The following PDZRN3 variants were observed in gnomAD, a reference collection of about 807,000 sequenced individuals.
The protein encoded by PDZRN3 is PDZ domain containing ring finger 3.
A neutral mutation model predicts 85.7 loss-of-function variants in PDZRN3; 38 were observed. That is an observed-to-expected ratio of 0.44 (90% confidence interval 0.34 to 0.58). The LOEUF is 0.58. Ranked by LOEUF, PDZRN3 falls within the 20% of genes least tolerant of loss-of-function variation. The pLI is 0.01. For missense variants in PDZRN3, 1,629 were observed against 1,506.4 expected (o/e 1.08, Z -1.35); for synonymous variants, 759 against 638.0 (o/e 1.19, Z -2.86).
intron 3 of PDZRN3, among the ~76,000 whole-genome samples, chr3:73,481,916 C>T (rs911542841): frequency 6.6e-6 from 1 of 152,204 alleles, no homozygotes; most frequent in East Asian, 1.9e-4. Context: ...CTTCGCACCC[C>T]CACACAAAGC....
At chr3:73,605,391 G>A (rs969169425) in intron 2 of PDZRN3, among the ~76,000 whole-genome samples, 9 of 152,274 alleles carry the variant, frequency 5.9e-5, no homozygotes, top group African/African-American at 2.2e-4. Flanking sequence ...TTCATAGCAA[G>A]GGTACCTAAC....
chr3:73,606,941 C>A (rs373758712), intron 2 of PDZRN3, among the ~76,000 whole-genome samples: 12 of 152,168 alleles, frequency 7.9e-5, no homozygotes, highest in African/African-American at 2.9e-4. Context: ...TAATTTAAAT[C>A]CCAGACTCAA....
chr3:73,527,414 T>C (rs896503023), intron 3 of PDZRN3, among the ~76,000 whole-genome samples: 3 of 152,170 alleles, frequency 2.0e-5, no homozygotes, highest in African/African-American at 7.2e-5. Flanking sequence ...GCATTCATAG[T>C]AAAGGGCAGC....
At chr3:73,507,727 G>C (rs1704092377) in intron 3 of PDZRN3, among the ~76,000 whole-genome samples, 1 of 151,538 alleles carries the variant, frequency 6.6e-6, no homozygotes, top group Non-Finnish European at 1.5e-5. Context: ...AGCCTTAGTG[G>C]AGATCTAAAA....
intron 3 of PDZRN3, among the ~76,000 whole-genome samples, chr3:73,474,785 G>A (rs956617988): frequency 6.6e-6 from 1 of 152,102 alleles, no homozygotes; most frequent in Non-Finnish European, 1.5e-5. Context: ...TATTAAGAAA[G>A]GAGCAAGCTG....
chr3:73,624,748 C>T lies in PDZRN3; in HGVS notation c.78G>A (p.Glu26=). Residue 26 remains glutamate (E), a synonymous_variant, in exon 1 of 10, where the codon GAG becomes GAA. Transcript: ENST00000263666. ...LKCALCHKVL[E]DPLTTPCGHV... ...GGCCGCACGGCGTGGTCAGCGGGTC[C>T]TCCAGGACCTTGTGGCACAGCGCGC... The T allele has an allele frequency of 2.0e-6, 3 of 1,510,154 alleles. No individual in the cohort carries two copies. Among genetic ancestry groups the T allele is most frequent in the Non-Finnish European group, 2.6e-6 (3 of 1,137,002 alleles). The allele number at this position is 1,510,154 out of a possible 1,614,324, so 93.5% of individuals were successfully genotyped here. A position where few individuals can be genotyped will look rare whatever the true frequency, so the allele number is the denominator to read the frequency against.
intron 3 of PDZRN3, among the ~76,000 whole-genome samples, chr3:73,562,894 G>C (rs547011075): frequency 1.4e-5 from 2 of 147,466 alleles, no homozygotes; most frequent in East Asian, 4.1e-4. Context: ...ACATTTCTAA[G>C]TCAGCTTAAT....
At chr3:73,398,360 G>T (rs1217406021) in intron 5 of PDZRN3, among the ~76,000 whole-genome samples, 1 of 152,208 alleles carries the variant, frequency 6.6e-6, no homozygotes, top group Non-Finnish European at 1.5e-5. Context: ...AAGAGGAAAT[G>T]ATAGCTTGGG....
At chr3:73,569,086 A>G (rs931029767) in intron 3 of PDZRN3, 37 of 979,648 alleles carry the variant, frequency 3.8e-5, no homozygotes, top group Non-Finnish European at 4.2e-5. Context: ...TATGTGCTGC[A>G]GCTGAACTTT....
Position 73,384,610 on chromosome 3 carries a change from G to A in PDZRN3, c.1956C>T (p.Leu652=). The A allele has an allele frequency of 1.2e-6, 2 of 1,613,826 alleles. No homozygotes were observed. Among genetic ancestry groups the A allele is most frequent in the Non-Finnish European group, 1.7e-6 (2 of 1,180,036 alleles). The change falls in exon 10 of 10, where the codon CTC becomes CTT. Residue 652 remains leucine, a synonymous_variant. Transcript: ENST00000263666. ...ECERFRELLE[L]KCQVKSATPY... The stretch of plus-strand genomic sequence containing the variant: ...GGGTGGCGCTCTTCACCTGGCACTT[G>A]AGCTCCAGGAGCTCGCGGAAGCGCT...
chr3:73,620,557 T>C (rs1450193020), intron 1 of PDZRN3, among the ~76,000 whole-genome samples: 2 of 150,860 alleles, frequency 1.3e-5, no homozygotes, highest in Non-Finnish European at 2.9e-5. Flanking sequence ...GTCATTTAAC[T>C]GCTAGGCAGT....
chr3:73,505,193 C>T (rs546377124), intron 3 of PDZRN3, among the ~76,000 whole-genome samples: 9 of 152,298 alleles, frequency 5.9e-5, no homozygotes, highest in Admixed American at 1.3e-4. Context: ...CTTTTATACA[C>T]GATGACATTT....
chr3:73,429,364 G>A (rs1321290115), intron 3 of PDZRN3, among the ~76,000 whole-genome samples: 1 of 152,212 alleles, frequency 6.6e-6, no homozygotes, highest in East Asian at 1.9e-4. Flanking sequence ...CTGCTGTGTG[G>A]AGGTCAAGTT....
chr3:73,553,104 T>C (rs957021196), intron 3 of PDZRN3, among the ~76,000 whole-genome samples: 41 of 152,234 alleles, frequency 2.7e-4, no homozygotes, highest in African/African-American at 9.6e-4. Flanking sequence ...TTTGAAAATG[T>C]AAGACATTTC....
intron 3 of PDZRN3, among the ~76,000 whole-genome samples, chr3:73,441,157 G>A (rs187515800): frequency 1.1e-3 from 171 of 152,256 alleles, no homozygotes; most frequent in African/African-American, 4.0e-3. Flanking sequence ...GCTCACGCCT[G>A]TAATCCCAGC....
chr3:73,396,200 G>C (rs902663035), intron 5 of PDZRN3, among the ~76,000 whole-genome samples: 2 of 151,840 alleles, frequency 1.3e-5, no homozygotes, highest in African/African-American at 2.4e-5. Flanking sequence ...CTGGACGACA[G>C]CAAGACGCAG....
intron 3 of PDZRN3, among the ~76,000 whole-genome samples, chr3:73,574,393 C>T (rs1280596372): frequency 7.4e-6 from 1 of 134,354 alleles, no homozygotes; most frequent in Non-Finnish European, 1.5e-5. Flanking sequence ...CCTCACAACA[C>T]TTCTTTAAAA....
chr3:73,396,232 A>G (rs1270027516), intron 5 of PDZRN3, among the ~76,000 whole-genome samples: 3 of 152,176 alleles, frequency 2.0e-5, no homozygotes, highest in Non-Finnish European at 2.9e-5. Context: ...ACAAAAAAAA[A>G]AGTAAATAAT....
chr3:73,619,091 G>A (rs1702811848), intron 1 of PDZRN3, among the ~76,000 whole-genome samples: 5 of 152,106 alleles, frequency 3.3e-5, no homozygotes, highest in Admixed American at 2.6e-4. Context: ...CTTGATCTGG[G>A]TGGATCTAGT....
Sources: allele counts gnomAD v4.1 joint callset (sites outside exome capture counted in the v4.1 genomes callset), GRCh38; gene constraint gnomAD v4.1.1; transcripts MANE v1.5; gene names NCBI Gene and HGNC (gene_info 2026-07-23, HGNC 2026-07-21).